PCDHGA2: variants seen among roughly 807,000 people sequenced by gnomAD.
PCDHGA2 encodes protocadherin gamma subfamily A, 2.
In PCDHGA2, 40 loss-of-function variants were observed where a neutral mutation model predicts 59.2. The ratio of observed to expected loss-of-function variants is 0.68; its 90% CI spans 0.52 to 0.88. The LOEUF (loss-of-function observed/expected upper bound fraction) is 0.88. PCDHGA2 is among the 40% of genes least tolerant of loss of function. The probability of loss-of-function intolerance (pLI) is 0.00; values close to 1 mark genes in which losing one functional copy is unlikely to be tolerated. For missense variants in PCDHGA2, 1,226 were observed against 1,204.0 expected (o/e 1.02, Z -0.27); for synonymous variants, 560 against 526.0 (o/e 1.06, Z -0.89).
chr5:141,429,631 G>A (rs1272926056), intron 1 of PCDHGA2, among the ~76,000 whole-genome samples: 1 of 152,132 alleles, frequency 6.6e-6, no homozygotes, highest in Non-Finnish European at 1.5e-5. Context: ...TTTTCTCACA[G>A]CTACCTATAT....
In PCDHGA2 at chr5:141,358,636, T is replaced by C. The variant is rs115557619; in HGVS notation, c.2424+17241T>C. On this transcript the variant is annotated intron_variant, in intron 1 of 3. Coordinates refer to ENST00000394576, the MANE Select transcript of PCDHGA2 (RefSeq NM_018915.4). ...TATTTCCAAGCTAATTTCAGTCATA[T>C]ATAAGTAGATTCTAGGAGTAACTTT... Among the ~76,000 whole-genome samples, 216 of 152,290 alleles carry C rather than the reference T, an allele frequency of 1.4e-3. 2 individuals carry two copies. The highest frequency in any genetic ancestry group is 5.0e-3 in the African/African-American group (206 of 41,584).
At chr5:141,429,657 A>G (rs1455808092) in intron 1 of PCDHGA2, among the ~76,000 whole-genome samples, 1 of 152,232 alleles carries the variant, frequency 6.6e-6, no homozygotes, top group African/African-American at 2.4e-5. Flanking sequence ...TTCCCAATTT[A>G]AAATATATTA....
At chr5:141,382,683 G>A in intron 1 of PCDHGA2, 1 of 444,266 alleles carries the variant, frequency 2.3e-6, no homozygotes, top group Non-Finnish European at 4.0e-6. Context: ...ACCAACCAGG[G>A]AAAAATGGTG....
intron 1 of PCDHGA2, chr5:141,428,587 G>T: frequency 4.4e-6 from 1 of 226,768 alleles, no homozygotes; most frequent in Non-Finnish European, 8.9e-6. Context: ...AGTTTCTCTG[G>T]TAGCAAGCTT....
rs2099183566 is a variant in PCDHGA2, at chr5:141,468,861, A to G, written c.2425-25946A>G. 3.9e-5 allele frequency among the ~76,000 whole-genome samples: 6 copies of G among 152,168 alleles called. No homozygotes were observed. In the South Asian group the frequency reaches 1.2e-3, roughly 32 times the overall value. On this transcript the variant is annotated intron_variant, in intron 1 of 3. Coordinates refer to ENST00000394576, the MANE Select transcript of PCDHGA2 (RefSeq NM_018915.4). ...AGCCTGGGCAACAGAGCGAGACTCCATCTCAAAAATAATAATAATAATAAT... is the reference window on the plus strand; with the variant it reads ...AGCCTGGGCAACAGAGCGAGACTCCGTCTCAAAAATAATAATAATAATAAT...
Position 141,338,899 on chromosome 5 carries a change from C to G in PCDHGA2, c.-73C>G, listed in dbSNP as rs1756787402. 8 of 1,487,992 alleles carry G rather than the reference C, an allele frequency of 5.4e-6. No individual in the cohort carries two copies. In the South Asian group the frequency reaches 9.9e-5, roughly 18 times the overall value. The allele number at this position is 1,487,992 out of a possible 1,614,324, so 92.2% of individuals were successfully genotyped here. A position where few individuals can be genotyped will look rare whatever the true frequency, so the allele number is the denominator to read the frequency against. On this transcript the variant is annotated 5_prime_UTR_variant, in exon 1 of 4. Transcript: ENST00000394576. ...TCCCGTGAATGCTGGTTATCTCACACCCTGAGGAATAAAGATTGGAATCCG... is the reference window on the plus strand; with the variant it reads ...TCCCGTGAATGCTGGTTATCTCACAGCCTGAGGAATAAAGATTGGAATCCG...
intron 1 of PCDHGA2, among the ~76,000 whole-genome samples, chr5:141,474,770 G>A (rs1221980722): frequency 6.6e-6 from 1 of 152,204 alleles, no homozygotes; most frequent in African/African-American, 2.4e-5. Context: ...GAAATAGTAT[G>A]AGGCTCTAAC....
intron 1 of PCDHGA2, chr5:141,351,027 C>A: frequency 6.2e-7 from 1 of 1,614,084 alleles, no homozygotes; most frequent in Non-Finnish European, 8.5e-7. Context: ...CCGTGGGGAA[C>A]CTCCGTGCTG....
chr5:141,343,252 A>T (rs1051972229), intron 1 of PCDHGA2: 3 of 934,216 alleles, frequency 3.2e-6, no homozygotes, highest in Non-Finnish European at 3.8e-6. Context: ...ATCGAAACTA[A>T]GTTATCAGGT....
intron 1 of PCDHGA2, chr5:141,430,641 T>G: frequency 1.1e-6 from 1 of 902,670 alleles, no homozygotes. Context: ...TCCCTGGGAG[T>G]ATGTGGAAAC....
intron 1 of PCDHGA2, among the ~76,000 whole-genome samples, chr5:141,425,003 T>C (rs75915888): frequency 0.036 from 5,431 of 152,274 alleles, 181 homozygotes; most frequent in African/African-American, 0.084. Context: ...AGTTTAGTTT[T>C]CTCATTTAGG....
intron 1 of PCDHGA2, chr5:141,344,855 T>A (rs916854411): frequency 6.2e-7 from 1 of 1,613,998 alleles, no homozygotes; most frequent in Admixed American, 1.7e-5. Flanking sequence ...AGGGATTCAA[T>A]GCTCAAGTGT....
chr5:141,422,723 G>A lies in PCDHGA2; in HGVS notation c.2425-72084G>A. The stretch of plus-strand genomic sequence containing the variant: ...TCTCTGACGGATGACACTGTCCAGG[G>A]GGTGCCTCTGTCCTCCTATGTCTCT... On this transcript the variant is annotated intron_variant, in intron 1 of 3. Coordinates refer to ENST00000394576, the MANE Select transcript of PCDHGA2 (RefSeq NM_018915.4). The A allele has an allele frequency of 1.2e-6, 2 of 1,605,958 alleles. No homozygotes were observed. The highest frequency in any genetic ancestry group is 1.7e-6 in the Non-Finnish European group (2 of 1,175,478).
chr5:141,391,198 C>T (rs2092314570), intron 1 of PCDHGA2: 1 of 152,156 alleles, frequency 6.6e-6, no homozygotes, highest in South Asian at 2.1e-4. Context: ...AAAATATATA[C>T]AAAATACCAA....
intron 1 of PCDHGA2, among the ~76,000 whole-genome samples, chr5:141,357,912 G>A (rs1028672108): frequency 6.6e-6 from 1 of 152,134 alleles, no homozygotes; most frequent in African/African-American, 2.4e-5. Flanking sequence ...TTTCTGTGCT[G>A]GGTGTGGTGG....
At chr5:141,372,680 C>T in intron 1 of PCDHGA2, 1 of 1,614,016 alleles carries the variant, frequency 6.2e-7, no homozygotes, top group South Asian at 1.1e-5. Context: ...ATTCCTCAAA[C>T]ACCGAGTTTA....
intron 2 of PCDHGA2, among the ~76,000 whole-genome samples, chr5:141,496,103 C>T (rs779317844): frequency 2.0e-5 from 3 of 152,218 alleles, no homozygotes; most frequent in South Asian, 2.1e-4. Flanking sequence ...ACCAACACCC[C>T]GCTCTCTTCC....
intron 1 of PCDHGA2, chr5:141,370,325 G>A (rs1414705045): frequency 5.0e-6 from 7 of 1,390,940 alleles, no homozygotes; most frequent in Non-Finnish European, 6.8e-6. Context: ...GGTCCTGCTC[G>A]GAGAACTCTT....
At chr5:141,427,659 G>A (rs546743297) in intron 1 of PCDHGA2, 3 of 742,336 alleles carry the variant, frequency 4.0e-6, no homozygotes, top group East Asian at 5.3e-5. Context: ...CGTGGTCCAC[G>A]TGGCCGAAAA....
Sources: gnomAD v4.1 joint callset for allele counts (sites outside exome capture counted in the v4.1 genomes callset) on GRCh38, gnomAD v4.1.1 for gene constraint, MANE v1.5 for transcripts, NCBI Gene and HGNC (gene_info 2026-07-23, HGNC 2026-07-21) for gene names.